SGCD: variants seen among roughly 807,000 people sequenced by gnomAD.
SGCD encodes delta-sarcoglycan.
In SGCD, 18 loss-of-function variants were observed where a neutral mutation model predicts 36.6. The ratio of observed to expected loss-of-function variants is 0.49; its 90% CI spans 0.34 to 0.73. The LOEUF is 0.73. Among genes scored for constraint, SGCD ranks in the 30% least tolerant of loss-of-function variants. SGCD has a pLI of 0.01. For synonymous variants in SGCD, 133 were observed against 130.6 expected (o/e 1.02, Z -0.12); for missense variants, 387 against 346.7 (o/e 1.12, Z -0.92).
Position 156,762,867 on chromosome 5 carries a change from A to G in SGCD, c.*3477A>G, listed in dbSNP as rs1757522970. 1 of 152,224 alleles carries G rather than the reference A, an allele frequency of 6.6e-6. No homozygotes were observed. The highest frequency in any genetic ancestry group is 2.4e-5 in the African/African-American group (1 of 41,452). The allele number at this position is 152,224 out of a possible 1,614,324, so 9.4% of individuals were successfully genotyped here. A position where few individuals can be genotyped will look rare whatever the true frequency, so the allele number is the denominator to read the frequency against. On this transcript the variant is annotated 3_prime_UTR_variant, in exon 9 of 9. Transcript: ENST00000337851. ...TTGGATATAGCAGGAAAGAAAGCAC[A>G]TTTCCAAACAGCAGGGAGTAAGCTT... is the stretch of plus-strand genomic sequence containing the variant.
chr5:156,080,656 C>A (rs770818862), intron 1 of SGCD, among the ~76,000 whole-genome samples: 4 of 152,146 alleles, frequency 2.6e-5, no homozygotes, highest in Non-Finnish European at 4.4e-5. Flanking sequence ...TCCACAGATC[C>A]CTAGGGCATG....
chr5:155,972,609 A>C (rs1758028701), intron 1 of SGCD, among the ~76,000 whole-genome samples: 1 of 152,116 alleles, frequency 6.6e-6, no homozygotes. Flanking sequence ...ATAGGGAAAA[A>C]CTTCTGAAGT....
At chr5:156,262,123 G>A (rs368574307) in intron 3 of SGCD, among the ~76,000 whole-genome samples, 1 of 152,110 alleles carries the variant, frequency 6.6e-6, no homozygotes, top group East Asian at 1.9e-4. Context: ...TAAAGTCTAT[G>A]GTAGTATAGA....
chr5:156,430,753 T>C (rs745597917), intron 3 of SGCD, among the ~76,000 whole-genome samples: 1 of 152,172 alleles, frequency 6.6e-6, no homozygotes, highest in Non-Finnish European at 1.5e-5. Flanking sequence ...GAAAACTTTG[T>C]ATGTGTTTCT....
At chr5:156,031,612 A>C (rs1759349776) in intron 1 of SGCD, among the ~76,000 whole-genome samples, 2 of 152,232 alleles carry the variant, frequency 1.3e-5, no homozygotes. Flanking sequence ...ATATTATTTG[A>C]CAGGCTTACA....
chr5:156,022,775 T>C (rs1374403149), intron 1 of SGCD, among the ~76,000 whole-genome samples: 1 of 152,332 alleles, frequency 6.6e-6, no homozygotes, highest in East Asian at 1.9e-4. Flanking sequence ...TCTTTTCTCC[T>C]TTTCCTTTTT....
At chr5:156,513,101 A>G (rs1281983443) in intron 4 of SGCD, among the ~76,000 whole-genome samples, 4 of 152,216 alleles carry the variant, frequency 2.6e-5, no homozygotes, top group Non-Finnish European at 2.9e-5. Flanking sequence ...TCTTTCTTTG[A>G]TATGTCCACA....
chr5:156,678,982 C>T (rs1443522988), intron 7 of SGCD, among the ~76,000 whole-genome samples: 1 of 152,132 alleles, frequency 6.6e-6, no homozygotes, highest in African/African-American at 2.4e-5. Flanking sequence ...TTCTGATTCA[C>T]ATAAAAGTTC....
At chr5:156,360,025 T>C (rs1238081197) in intron 3 of SGCD, among the ~76,000 whole-genome samples, 1 of 152,124 alleles carries the variant, frequency 6.6e-6, no homozygotes, top group Non-Finnish European at 1.5e-5. Flanking sequence ...CCTGATCCCA[T>C]AGTGCAAAGT....
intron 3 of SGCD, among the ~76,000 whole-genome samples, chr5:156,170,623 G>C (rs985145060): frequency 6.6e-6 from 1 of 152,096 alleles, no homozygotes; most frequent in Non-Finnish European, 1.5e-5. Flanking sequence ...ACAATCAAAG[G>C]GTGCCGGGAA....
chr5:156,078,597 A>G (rs1183849182), intron 1 of SGCD, among the ~76,000 whole-genome samples: 1 of 145,220 alleles, frequency 6.9e-6, no homozygotes, highest in Non-Finnish European at 1.5e-5. Flanking sequence ...ATTTATATTT[A>G]TATATTTTTA....
chr5:156,232,737 A>G (rs531085334), intron 3 of SGCD, among the ~76,000 whole-genome samples: 2 of 152,290 alleles, frequency 1.3e-5, no homozygotes, highest in East Asian at 3.9e-4. Flanking sequence ...AACACATCAC[A>G]TTTATGTTAG....
chr5:156,234,606 A>C (rs1167428377), intron 3 of SGCD, among the ~76,000 whole-genome samples: 1 of 152,202 alleles, frequency 6.6e-6, no homozygotes, highest in Non-Finnish European at 1.5e-5. Flanking sequence ...GGAGCATGGC[A>C]CTAGGGTCTG....
chr5:155,833,401 T>G, the SGCD span, among the ~76,000 whole-genome samples: 1 of 152,216 alleles, frequency 6.6e-6, no homozygotes, highest in Non-Finnish European at 1.5e-5. Context: ...GAAGCAAGTA[T>G]CCCTTTTATT....
In SGCD at chr5:156,761,705, A is replaced by C. The variant is rs1757503233; in HGVS notation, c.*2315A>C. 1 of 152,222 alleles carries C rather than the reference A, an allele frequency of 6.6e-6. No individual in the cohort carries two copies. The highest frequency in any genetic ancestry group is 1.5e-5 in the Non-Finnish European group (1 of 68,032). The allele number at this position is 152,222 out of a possible 1,614,324, so 9.4% of individuals were successfully genotyped here. On this transcript the variant is annotated 3_prime_UTR_variant, in exon 9 of 9. Coordinates refer to ENST00000337851, the MANE Select transcript of SGCD (RefSeq NM_000337.6). The stretch of plus-strand genomic sequence containing the variant: ...GATGACAAAAAAGCAAAAAGTTCCC[A>C]GAACGTTTTTGCTTAGATTTTGTTC...
intron 3 of SGCD, among the ~76,000 whole-genome samples, chr5:156,361,011 C>A (rs1315139931): frequency 2.0e-5 from 3 of 152,124 alleles, no homozygotes; most frequent in Non-Finnish European, 4.4e-5. Flanking sequence ...CACACTGCCA[C>A]CTGCAGATGG....
At chr5:155,860,493 A>G in the SGCD span, among the ~76,000 whole-genome samples, 5 of 152,250 alleles carry the variant, frequency 3.3e-5, no homozygotes, top group Admixed American at 3.3e-4. Context: ...AGTGATTAGA[A>G]TTAGCCACTG....
At chr5:155,795,738 A>G in the SGCD span, among the ~76,000 whole-genome samples, 1 of 152,170 alleles carries the variant, frequency 6.6e-6, no homozygotes, top group Non-Finnish European at 1.5e-5. Context: ...AATTGCAAGT[A>G]TGTACTGCTT....
At chr5:155,917,141 C>T (rs1342494746) in intron 1 of SGCD, among the ~76,000 whole-genome samples, 1 of 152,194 alleles carries the variant, frequency 6.6e-6, no homozygotes, top group Non-Finnish European at 1.5e-5. Context: ...GACCCCCAGA[C>T]ATGCACCACT....
Sources: allele counts gnomAD v4.1 joint callset (sites outside exome capture counted in the v4.1 genomes callset), GRCh38; gene constraint gnomAD v4.1.1; transcripts MANE v1.5; gene names NCBI Gene and HGNC (gene_info 2026-07-23, HGNC 2026-07-21).